Variants in DGLUCY observed in about 807,000 individuals in gnomAD.
DGLUCY encodes D-glutamate cyclase, mitochondrial.
A neutral mutation model predicts 58.5 loss-of-function variants in DGLUCY; 58 were observed. The observed-to-expected ratio is 0.99, with a 90% CI of 0.80 to 1.23. The LOEUF (loss-of-function observed/expected upper bound fraction) is 1.23. DGLUCY is among the 50% of genes most tolerant of loss of function. DGLUCY has a pLI of 0.00. For synonymous variants in DGLUCY, 325 were observed against 314.1 expected (o/e 1.03, Z -0.37); for missense variants, 779 against 784.7 (o/e 0.99, Z 0.09).
At chr14:91,139,551 G>A (rs1337432514) in intron 1 of DGLUCY, among the ~76,000 whole-genome samples, 15 of 152,152 alleles carry the variant, frequency 9.9e-5, no homozygotes, top group Non-Finnish European at 2.9e-5. Context: ...TGGATGTGGT[G>A]GCTTGTGCCT....
chr14:91,139,252 C>T (rs1266169622), intron 1 of DGLUCY, among the ~76,000 whole-genome samples: 3 of 152,180 alleles, frequency 2.0e-5, no homozygotes, highest in Non-Finnish European at 2.9e-5. Flanking sequence ...CAAATGCTCC[C>T]TTCCTCCTCC....
intron 9 of DGLUCY, among the ~76,000 whole-genome samples, chr14:91,191,505 G>A (rs2049890993): frequency 6.6e-6 from 1 of 152,164 alleles, no homozygotes; most frequent in African/African-American, 2.4e-5. Flanking sequence ...ATAGGTCCTG[G>A]TGGAACTGAC....
intron 1 of DGLUCY, among the ~76,000 whole-genome samples, chr14:91,077,457 G>A (rs1402110138): frequency 6.7e-6 from 1 of 150,042 alleles, no homozygotes. Context: ...AGAGAACAAA[G>A]AAAAAACAAA....
intron 3 of DGLUCY, among the ~76,000 whole-genome samples, chr14:91,161,815 T>A (rs1205050153): frequency 7.9e-5 from 2 of 25,450 alleles, no homozygotes; most frequent in Non-Finnish European, 6.3e-4. Flanking sequence ...TTGCCATTTT[T>A]TTTTTTTTTT....
intron 5 of DGLUCY, 44 bp from the exon 6 acceptor site, chr14:91,173,245 C>A (rs756645750): frequency 3.1e-6 from 5 of 1,609,402 alleles, no homozygotes; most frequent in Non-Finnish European, 4.2e-6. Flanking sequence ...GTGCTAATTC[C>A]ATTTTTTAAC....
intron 1 of DGLUCY, among the ~76,000 whole-genome samples, chr14:91,062,558 A>AATAATAT (rs2043731846): frequency 4.2e-5 from 1 of 23,694 alleles, no homozygotes; most frequent in Non-Finnish European, 7.5e-5. Flanking sequence ...AAAAAAAAAA[A>AATAATAT]ATATATATAT....
chr14:91,074,867 G>A (rs1473383918), intron 1 of DGLUCY, among the ~76,000 whole-genome samples: 1 of 152,160 alleles, frequency 6.6e-6, no homozygotes, highest in Non-Finnish European at 1.5e-5. Flanking sequence ...GAGTTCAGGA[G>A]TTCAAGACCA....
At chr14:91,078,748 GGA>G (rs2044072383) in intron 1 of DGLUCY, among the ~76,000 whole-genome samples, 1 of 152,088 alleles carries the variant, frequency 6.6e-6, no homozygotes. Flanking sequence ...GAAGAAAGCT[GGA>G]GAGTCAGGAA....
intron 11 of DGLUCY, among the ~76,000 whole-genome samples, chr14:91,202,870 C>A (rs568298155): frequency 7.8e-4 from 119 of 152,304 alleles, no homozygotes; most frequent in African/African-American, 2.7e-3. Context: ...GGAGCCCAGT[C>A]TCCTCCTGTG....
chr14:91,141,885 G>A (rs910519712), intron 1 of DGLUCY, among the ~76,000 whole-genome samples: 2 of 140,204 alleles, frequency 1.4e-5, no homozygotes, highest in Admixed American at 1.5e-4. Context: ...TTGCTCTGTC[G>A]CCTAGGCTGG....
chr14:91,071,334 C>CAAA (rs3086750), intron 1 of DGLUCY, among the ~76,000 whole-genome samples: 21,394 of 83,700 alleles, frequency 0.26, 2,313 homozygotes, highest in Middle Eastern at 0.35. Flanking sequence ...GAGATTCCAC[C>CAAA]AAAAAAAAAA....
chr14:91,208,149 A>G (rs894655208), intron 12 of DGLUCY, among the ~76,000 whole-genome samples: 1 of 152,246 alleles, frequency 6.6e-6, no homozygotes, highest in African/African-American at 2.4e-5. Context: ...TAAAGGAGAA[A>G]TAAAGACTAT....
intron 1 of DGLUCY, among the ~76,000 whole-genome samples, chr14:91,147,303 T>C (rs1338726049): frequency 2.0e-5 from 3 of 152,156 alleles, no homozygotes; most frequent in Admixed American, 2.0e-4. Context: ...GTTCTGAACA[T>C]TTGGTAATCA....
At chr14:91,184,311 A>T (rs2140473085) in intron 8 of DGLUCY, among the ~76,000 whole-genome samples, 1 of 151,850 alleles carries the variant, frequency 6.6e-6, no homozygotes, top group South Asian at 2.1e-4. Context: ...TGGGAGGCCG[A>T]GGTGGGAGGA....
At chr14:91,184,336 G>T (rs969672393) in intron 8 of DGLUCY, among the ~76,000 whole-genome samples, 3 of 151,638 alleles carry the variant, frequency 2.0e-5, no homozygotes, top group Non-Finnish European at 2.9e-5. Context: ...TTGAGGTCAG[G>T]AGTTGAAGAC....
At position 91,218,070 on chromosome 14, in the gene DGLUCY, G is replaced by A. The variant is rs939208202; in HGVS notation, c.1716+2514G>A. On this transcript the variant is annotated intron_variant, in intron 13 of 13. Coordinates refer to ENST00000256324, the MANE Select transcript of DGLUCY (RefSeq NM_001102368.3). ...CATTCTCTGTGCTTTTCCCAATTCC[G>A]CTCAGAAGTGTCCCAGGTAGTGCCA... 7.2e-5 allele frequency among the ~76,000 whole-genome samples: 11 copies of A among 152,294 alleles called. No individual in the cohort carries two copies. In the South Asian group the frequency reaches 1.0e-3, roughly 14 times the overall value.
At chr14:91,082,031 C>T (rs1198221606) in intron 1 of DGLUCY, among the ~76,000 whole-genome samples, 1 of 152,154 alleles carries the variant, frequency 6.6e-6, no homozygotes, top group Non-Finnish European at 1.5e-5. Flanking sequence ...AAAGCCACCT[C>T]AAGGTCCTCA....
intron 12 of DGLUCY, among the ~76,000 whole-genome samples, chr14:91,212,944 T>A (rs1185033034): frequency 6.7e-6 from 1 of 150,234 alleles, no homozygotes. Flanking sequence ...GAGCCTGCAG[T>A]GAGCCGAGAT....
At chr14:91,122,235 G>A (rs935273720) in intron 1 of DGLUCY, among the ~76,000 whole-genome samples, 4 of 151,588 alleles carry the variant, frequency 2.6e-5, no homozygotes, top group African/African-American at 9.7e-5. Flanking sequence ...AACAACCACA[G>A]CTCACTTCAG....
Sources: allele counts gnomAD v4.1 joint callset (sites outside exome capture counted in the v4.1 genomes callset), GRCh38; gene constraint gnomAD v4.1.1; transcripts MANE v1.5; gene names NCBI Gene and HGNC (gene_info 2026-07-23, HGNC 2026-07-21).